Variants in ADGRF3 observed in about 807,000 individuals in gnomAD.
ADGRF3 encodes G protein-coupled receptor 113.
Under a neutral mutation model 93.2 loss-of-function variants are expected in ADGRF3, and 85 were observed. The ratio of observed to expected loss-of-function variants is 0.91; its 90% CI spans 0.77 to 1.09. The LOEUF (loss-of-function observed/expected upper bound fraction) is 1.09, where lower values mean the gene tolerates loss of function less well. Among genes scored for constraint, ADGRF3 ranks in the 50% least tolerant of loss-of-function variants. The probability of loss-of-function intolerance (pLI) is 0.00; values close to 1 mark genes in which losing one functional copy is unlikely to be tolerated. For synonymous variants in ADGRF3, 534 were observed against 532.5 expected (o/e 1.00, Z -0.04); for missense variants, 1,125 against 1,246.2 (o/e 0.90, Z 1.46).
In ADGRF3 at chr2:26,310,913, C is replaced by T. The variant is rs374586524; in HGVS notation, c.2611G>A (p.Val871Met). 44 of 1,612,788 alleles carry T rather than the reference C, an allele frequency of 2.7e-5. No individual in the cohort carries two copies. The highest frequency in any genetic ancestry group is 1.3e-4 in the Admixed American group (8 of 59,888). The change falls in exon 10 of 14, where the codon GTG becomes ATG. Residue 871 changes from valine to methionine, a missense_variant. Physicochemically the swap from Val to Met is conservative, Grantham distance 21. Transcript: ENST00000651242. ...GCCATGGCTAGTACCAGCCCATTCACGCCTATGATGGCCAGCACTGGCCCC... is the reference window on the plus strand; with the variant it reads ...GCCATGGCTAGTACCAGCCCATTCATGCCTATGATGGCCAGCACTGGCCCC... ...FVGPVLAIIG[V>M]NGLVLAMAML...
rs1438225428 is a variant in ADGRF3, at chr2:26,316,339, G to A, written c.435C>T (p.His145=). ...TGAAGACAAGGCAGCCACAAGGCTG[G>A]TGGTTGTGGAGGCTTTGACAAGGAG... ...HYPPCQSLHN[H]QPCGCLVFSH... is the part of the protein sequence containing the mutation. The change falls in exon 4 of 14, where the codon CAC becomes CAT. Residue 145 remains histidine, a synonymous_variant. Coordinates refer to ENST00000651242, the MANE Select transcript of ADGRF3 (RefSeq NM_001321971.2). 6.4e-7 allele frequency: 1 copy of A among 1,552,002 alleles called. No homozygotes were observed. The highest frequency in any genetic ancestry group is 1.4e-5 in the African/African-American group (1 of 73,190).
chr2:26,340,718 T>C (rs1453904000), intron 1 of ADGRF3, among the ~76,000 whole-genome samples: 1 of 152,168 alleles, frequency 6.6e-6, no homozygotes, highest in Non-Finnish European at 1.5e-5. Context: ...GGAGGATGTG[T>C]GTGTGGGAGA....
chr2:26,317,256 T>G (rs1465241694), intron 2 of ADGRF3, among the ~76,000 whole-genome samples: 2 of 152,138 alleles, frequency 1.3e-5, no homozygotes, highest in East Asian at 3.9e-4. Flanking sequence ...CACGGCTTCA[T>G]GTCATCCGTC....
At chr2:26,341,499 T>A (rs1676395572) in intron 1 of ADGRF3, among the ~76,000 whole-genome samples, 1 of 152,186 alleles carries the variant, frequency 6.6e-6, no homozygotes, top group South Asian at 2.1e-4. Flanking sequence ...TCTCATTATA[T>A]TGCGTAGACT....
intron 4 of ADGRF3, 110 bp downstream of exon 4, chr2:26,316,165 C>T (rs746941301): frequency 8.7e-5 from 99 of 1,142,694 alleles, no homozygotes; most frequent in Non-Finnish European, 1.1e-4. Context: ...CCCAGAGGAG[C>T]AGCTGTGCTT....
chr2:26,325,536 G>A (rs1675392537), intron 1 of ADGRF3, among the ~76,000 whole-genome samples: 1 of 152,160 alleles, frequency 6.6e-6, no homozygotes, highest in African/African-American at 2.4e-5. Flanking sequence ...TTATATTAAA[G>A]CTATGTACCT....
intron 1 of ADGRF3, 64 bp downstream of exon 1, chr2:26,346,057 G>C: frequency 2.0e-6 from 3 of 1,489,594 alleles, no homozygotes; most frequent in Non-Finnish European, 2.7e-6. Context: ...CTTGCGCACT[G>C]AGAGGCGGCC....
At position 26,316,132 on chromosome 2, in the gene ADGRF3, A is replaced by G. The variant is rs1478094829; in HGVS notation, c.499+143T>C. 4 of 827,124 alleles carry G rather than the reference A, an allele frequency of 4.8e-6. No individual in the cohort carries two copies. The Admixed American group carries it at 8.4e-5, about 17-fold the overall frequency. The allele number at this position is 827,124 out of a possible 1,614,324, so 51.2% of individuals were successfully genotyped here. ...CCAAGCTCAGGGCCTGTGATCTGCT[A>G]TGATGGCTGGCTTTTTCTCCCACCC... is the stretch of plus-strand genomic sequence containing the variant. On this transcript the variant is annotated intron_variant, in intron 4 of 13. Transcript: ENST00000651242.
chr2:26,317,177 T>A, intron 2 of ADGRF3, 122 bp from the exon 3 acceptor site: 3 of 1,034,968 alleles, frequency 2.9e-6, no homozygotes, highest in Non-Finnish European at 4.2e-6. Context: ...TCCCACAGCC[T>A]GTCCAGGTGC....
In ADGRF3 at chr2:26,312,034, G is replaced by T; in HGVS notation, c.1490C>A (p.Thr497Asn). The change falls in exon 10 of 14, where the codon ACC becomes AAC. Residue 497 changes from threonine to asparagine, a missense_variant. Thr to Asn is a moderately conservative substitution (Grantham distance 65). Coordinates refer to ENST00000651242, the MANE Select transcript of ADGRF3 (RefSeq NM_001321971.2). ...TTGGGCCAGGGTCCACAGAGACCTGGTGTCCATATCTAGGACCTTGTCTGT... is the reference window on the plus strand; with the variant it reads ...TTGGGCCAGGGTCCACAGAGACCTGTTGTCCATATCTAGGACCTTGTCTGT... ...IATDKVLDMD[T>N]RSLWTLAQAR... 6.2e-7 allele frequency: 1 copy of T among 1,612,634 alleles called. No individual in the cohort carries two copies. Among genetic ancestry groups the T allele is most frequent in the Non-Finnish European group, 8.5e-7 (1 of 1,179,854 alleles).
chr2:26,342,643 A>G (rs1423225261), intron 1 of ADGRF3, among the ~76,000 whole-genome samples: 1 of 152,224 alleles, frequency 6.6e-6, no homozygotes, highest in African/African-American at 2.4e-5. Flanking sequence ...TTGAGTGTAC[A>G]AGATGTAGAA....
At chr2:26,319,577 T>TCTTTCTCTCCCTCCCTCCCTCCCTC (rs1558390930) in intron 1 of ADGRF3, among the ~76,000 whole-genome samples, 1 of 46,626 alleles carries the variant, frequency 2.1e-5, no homozygotes, top group Non-Finnish European at 4.0e-5. Context: ...CTTCCTTCCT[T>TCTTTCTCTCCCTCCCTCCCTCCCTC]CCTTCCTTCC....
intron 4 of ADGRF3, 75 bp from the exon 5 acceptor site, chr2:26,315,815 T>C: frequency 6.5e-7 from 1 of 1,536,044 alleles, no homozygotes; most frequent in Non-Finnish European, 8.8e-7. Flanking sequence ...CAATGGCTTC[T>C]CCCCTGACTC....
chr2:26,318,433 A>T (rs1674895066), intron 1 of ADGRF3, among the ~76,000 whole-genome samples: 1 of 152,158 alleles, frequency 6.6e-6, no homozygotes, highest in African/African-American at 2.4e-5. Context: ...GTCTTAAAAA[A>T]GATATAGATA....
chr2:26,308,314 G>A lies in ADGRF3; in HGVS notation c.*772C>T, dbSNP rs1673723359. 6.6e-6 allele frequency: 1 copy of A among 151,890 alleles called. No individual in the cohort carries two copies. Among genetic ancestry groups the A allele is most frequent in the African/African-American group, 2.4e-5 (1 of 41,346 alleles). The allele number at this position is 151,890 out of a possible 1,614,324, so 9.4% of individuals were successfully genotyped here. ...TAGTTTAAAAATTTCTCAGAATCCT[G>A]TCATCTTCCTCTTGTGAATTCCATA... is the stretch of plus-strand genomic sequence containing the variant. On this transcript the variant is annotated 3_prime_UTR_variant, in exon 14 of 14. Coordinates refer to ENST00000651242, the MANE Select transcript of ADGRF3 (RefSeq NM_001321971.2).
chr2:26,346,553 C>T lies in ADGRF3; in HGVS notation c.-319G>A, dbSNP rs1676770992. ...CAGTGATCATGGAGCGAGGGAATTC[C>T]CTTCCTATTTTTTTTAAACTTATTA... On this transcript the variant is annotated 5_prime_UTR_variant, in exon 1 of 14. Transcript: ENST00000651242. 1 of 369,794 alleles carries T rather than the reference C, an allele frequency of 2.7e-6. No homozygotes were observed. The highest frequency in any genetic ancestry group is 4.8e-6 in the Non-Finnish European group (1 of 206,256). The allele number at this position is 369,794 out of a possible 1,614,324, so 22.9% of individuals were successfully genotyped here.
At position 26,310,758 on chromosome 2, in the gene ADGRF3, C is replaced by A; in HGVS notation, c.2766G>T (p.Leu922=). The A allele has an allele frequency of 6.2e-7, 1 of 1,613,364 alleles. No homozygotes were observed. Among genetic ancestry groups the A allele is most frequent in the Non-Finnish European group, 8.5e-7 (1 of 1,179,632 alleles). Residue 922 remains leucine (L), a synonymous_variant, in exon 10 of 14, where the codon CTG becomes CTT. Transcript: ENST00000651242. Reference sequence around the variant, plus strand: ...TGGAGACTTCCTCTAACAGAGTGGCCAGGCCCAGCCCCCAGGTGAGGCCAA... The same window carrying A: ...TGGAGACTTCCTCTAACAGAGTGGCAAGGCCCAGCCCCCAGGTGAGGCCAA... ...PIFGLTWGLG[L]ATLLEEVSTV... is the part of the protein sequence containing the mutation.
Position 26,346,333 on chromosome 2 carries a change from G to A in ADGRF3, c.-99C>T. The A allele has an allele frequency of 6.3e-7, 1 of 1,581,260 alleles. No homozygotes were observed. The highest frequency in any genetic ancestry group is 8.6e-7 in the Non-Finnish European group (1 of 1,163,086). The stretch of plus-strand genomic sequence containing the variant: ...TGCCCCTCTCCCTGCTCCCGGCCTC[G>A]CCCAGGCGGCTGAGGGGCCCGCGCG... On this transcript the variant is annotated 5_prime_UTR_variant, in exon 1 of 14. The change creates a premature stop within an existing upstream ORF in the 5' untranslated region. Transcript: ENST00000651242.
At chr2:26,334,580 C>T (rs560098184) in intron 1 of ADGRF3, among the ~76,000 whole-genome samples, 10 of 152,114 alleles carry the variant, frequency 6.6e-5, no homozygotes, top group Non-Finnish European at 1.2e-4. Flanking sequence ...CATTCCTATT[C>T]TCATGCCAAA....
Sources: gnomAD v4.1 joint callset for allele counts (sites outside exome capture counted in the v4.1 genomes callset) on GRCh38, gnomAD v4.1.1 for gene constraint, MANE v1.5 for transcripts, NCBI Gene and HGNC (gene_info 2026-07-23, HGNC 2026-07-21) for gene names.